ACTR3C: variants seen among roughly 807,000 people sequenced by gnomAD.
ACTR3C encodes actin-related protein 3C.
ACTR3C carries 18 observed loss-of-function variants against 26.3 expected under a neutral mutation model. That is an observed-to-expected ratio of 0.68 (90% CI 0.47 to 1.01). The LOEUF is 1.01. Ranked by LOEUF, ACTR3C falls within the 50% of genes least tolerant of loss-of-function variation. The pLI is 0.00. For missense variants in ACTR3C, 184 were observed against 250.7 expected (o/e 0.73, Z 1.80); for synonymous variants, 55 against 94.5 (o/e 0.58, Z 2.42).
At chr7:150,316,080 C>T (rs1020488645) in intron 1 of ACTR3C, among the ~76,000 whole-genome samples, 1 of 152,134 alleles carries the variant, frequency 6.6e-6, no homozygotes, top group Non-Finnish European at 1.5e-5. Flanking sequence ...GCCTGTAATC[C>T]CAGCTATTCA....
At chr7:150,116,576 T>G in the ACTR3C span, among the ~76,000 whole-genome samples, 1 of 152,238 alleles carries the variant, frequency 6.6e-6, no homozygotes, top group Non-Finnish European at 1.5e-5. Context: ...ACACATTAGA[T>G]AGAAATCACA....
At chr7:150,314,849 G>A (rs1796691717) in intron 1 of ACTR3C, among the ~76,000 whole-genome samples, 1 of 149,572 alleles carries the variant, frequency 6.7e-6, no homozygotes, top group Non-Finnish European at 1.5e-5. Context: ...CTACTCACAA[G>A]GCGGAGGCGA....
the ACTR3C span, among the ~76,000 whole-genome samples, chr7:149,901,853 G>A: frequency 2.1e-5 from 3 of 142,064 alleles, no homozygotes; most frequent in African/African-American, 7.9e-5. Context: ...GAAGGTTGCA[G>A]TGAGCCAAGA....
chr7:150,100,609 G>A, the ACTR3C span, among the ~76,000 whole-genome samples: 1 of 151,536 alleles, frequency 6.6e-6, no homozygotes, highest in South Asian at 2.1e-4. Flanking sequence ...AACACATATG[G>A]TATTGTAAAC....
At chr7:150,227,688 G>GTGTTTTTTTTTTTTTTTTTTTT in the ACTR3C span, among the ~76,000 whole-genome samples, 31 of 111,368 alleles carry the variant, frequency 2.8e-4, 3 homozygotes, top group East Asian at 1.3e-3. Flanking sequence ...TTGTGTCTGG[G>GTGTTTTTTTTTTTTTTTTTTTT]TTTTTTTTTT....
the ACTR3C span, among the ~76,000 whole-genome samples, chr7:150,037,502 A>G: frequency 3.7e-5 from 2 of 53,938 alleles, 1 homozygote. Context: ...CGGGGGTGGA[A>G]GAGGGGATAG....
At chr7:150,243,560 C>G (rs148962701), downstream of ACTR3C, among the ~76,000 whole-genome samples, 1,477 of 152,026 alleles carry the variant, frequency 9.7e-3, 16 homozygotes, top group Non-Finnish European at 0.015. Context: ...CCCTTGGTAT[C>G]CATGGGGAAT....
chr7:150,286,418 T>C lies in ACTR3C; in HGVS notation c.420A>G (p.Ile140Met). 1.2e-6 allele frequency: 2 copies of C among 1,613,814 alleles called. No individual in the cohort carries two copies. Among genetic ancestry groups the C allele is most frequent in the Non-Finnish European group, 1.7e-6 (2 of 1,180,012 alleles). The part of the protein sequence containing the change: ...INAINQKKFV[I>M]DVGYERFLGP... ...CCAGGAATCTTTCGTAACCAACGTC[T>C]ATAACAAACTTCTTCTGGTTGATCG... is the stretch of plus-strand genomic sequence containing the variant. Residue 140 changes from isoleucine to methionine, a missense_variant, in exon 5 of 8, where the codon ATA (isoleucine) becomes ATG (methionine). Coordinates refer to ENST00000683684, the MANE Select transcript of ACTR3C (RefSeq NM_001164458.2).
At chr7:149,917,363 C>G in the ACTR3C span, among the ~76,000 whole-genome samples, 3 of 152,180 alleles carry the variant, frequency 2.0e-5, no homozygotes, top group Non-Finnish European at 4.4e-5. Flanking sequence ...GCTGAGCTAT[C>G]ACACCCAGCC....
At chr7:150,139,435 C>T in the ACTR3C span, among the ~76,000 whole-genome samples, 1 of 152,264 alleles carries the variant, frequency 6.6e-6, no homozygotes, top group Non-Finnish European at 1.5e-5. Flanking sequence ...GAGGCTTGAA[C>T]TCACAGCTTG....
chr7:150,199,127 G>A, the ACTR3C span, among the ~76,000 whole-genome samples: 2 of 149,962 alleles, frequency 1.3e-5, no homozygotes, highest in Non-Finnish European at 1.5e-5. Flanking sequence ...CATTGAGAAC[G>A]GGCCAGGATG....
the ACTR3C span, among the ~76,000 whole-genome samples, chr7:150,036,274 C>T: frequency 1.4e-5 from 2 of 147,402 alleles, no homozygotes. Flanking sequence ...AGCTTATTTG[C>T]TTCTTGTACT....
At chr7:149,891,476 T>A in the ACTR3C span, 3 of 424,670 alleles carry the variant, frequency 7.1e-6, no homozygotes, top group South Asian at 5.3e-5. Context: ...TTAAGTTACA[T>A]TATTGTTCAT....
chr7:149,914,752 A>T, the ACTR3C span, among the ~76,000 whole-genome samples: 5 of 152,168 alleles, frequency 3.3e-5, no homozygotes, highest in Non-Finnish European at 7.3e-5. Flanking sequence ...TGAAGCCAGA[A>T]TTAAGCCAAG....
chr7:150,256,228 G>A (rs369618044), intron 6 of ACTR3C, among the ~76,000 whole-genome samples: 1 of 152,206 alleles, frequency 6.6e-6, no homozygotes, highest in African/African-American at 2.4e-5. Flanking sequence ...GTTCTGCAAT[G>A]AACATATAGG....
the ACTR3C span, among the ~76,000 whole-genome samples, chr7:150,035,520 C>G: frequency 6.0e-5 from 7 of 117,372 alleles, no homozygotes; most frequent in Admixed American, 2.3e-4. Context: ...AGTCCCCACT[C>G]TCGTGGGGGG....
the ACTR3C span, among the ~76,000 whole-genome samples, chr7:149,938,976 A>G: frequency 6.8e-6 from 1 of 147,214 alleles, no homozygotes; most frequent in Non-Finnish European, 1.5e-5. Context: ...ATATACATAT[A>G]TATGTATATA....
At chr7:150,050,706 T>C in the ACTR3C span, among the ~76,000 whole-genome samples, 1 of 152,098 alleles carries the variant, frequency 6.6e-6, no homozygotes, top group Admixed American at 6.5e-5. Context: ...AACACGAGGA[T>C]GTTCCTCAAG....
the ACTR3C span, among the ~76,000 whole-genome samples, chr7:149,987,614 C>G: frequency 7.3e-6 from 1 of 137,692 alleles, no homozygotes; most frequent in African/African-American, 2.5e-5. Flanking sequence ...TAACAGCATA[C>G]TAGAGTATAA....
Sources: gnomAD v4.1 joint callset for allele counts (sites outside exome capture counted in the v4.1 genomes callset) on GRCh38, gnomAD v4.1.1 for gene constraint, MANE v1.5 for transcripts, NCBI Gene and HGNC (gene_info 2026-07-23, HGNC 2026-07-21) for gene names.